Variants in BMPER observed in about 807,000 individuals in gnomAD.
BMPER encodes the protein BMP binding endothelial regulator, also known as BMP-binding endothelial regulator protein.
BMPER carries 45 observed loss-of-function variants against 87.3 expected under a neutral mutation model. The ratio of observed to expected loss-of-function variants is 0.52; its 90% confidence interval spans 0.41 to 0.66. BMPER has a LOEUF of 0.66. Ranked by LOEUF, BMPER falls within the 30% of genes least tolerant of loss-of-function variation. The pLI is 0.00. For synonymous variants in BMPER, 326 were observed against 316.2 expected (o/e 1.03, Z -0.33); for missense variants, 784 against 867.5 (o/e 0.90, Z 1.21).
At chr7:34,134,558 C>T (rs1194760764) in intron 13 of BMPER, among the ~76,000 whole-genome samples, 1 of 152,072 alleles carries the variant, frequency 6.6e-6, no homozygotes, top group African/African-American at 2.4e-5. Context: ...GCCAGTGTTT[C>T]CTACTTGAGC....
At chr7:34,103,102 G>A (rs1370799993) in intron 13 of BMPER, among the ~76,000 whole-genome samples, 2 of 152,196 alleles carry the variant, frequency 1.3e-5, no homozygotes, top group African/African-American at 2.4e-5. Flanking sequence ...TGGAAGGGCA[G>A]ATACAAGGCT....
intron 13 of BMPER, among the ~76,000 whole-genome samples, chr7:34,099,851 A>G (rs1789630433): frequency 6.6e-6 from 1 of 151,832 alleles, no homozygotes; most frequent in South Asian, 2.1e-4. Flanking sequence ...TTGATGTGTT[A>G]TTAGCAACTC....
rs192757488 is a variant in BMPER, at chr7:34,150,072, T to A, written c.1877-3020T>A. On this transcript the variant is annotated intron_variant, in intron 14 of 14. Transcript: ENST00000649409. ...GATGGGTGCAAATGACAAGAGGCAG[T>A]GAGGGGTAAGTTAAGGGTACTCCTG... Among the ~76,000 whole-genome samples, 587 of 152,130 alleles carry A rather than the reference T, an allele frequency of 3.9e-3. 2 individuals carry two copies. Among genetic ancestry groups the A allele is most frequent in the African/African-American group, 0.014 (573 of 41,494 alleles).
At chr7:34,086,174 T>C in intron 13 of BMPER, 82 bp downstream of exon 13, 2 of 1,488,494 alleles carry the variant, frequency 1.3e-6, no homozygotes, top group South Asian at 1.2e-5. Flanking sequence ...ATGAAATCTC[T>C]TGTTGTGCAG....
At chr7:34,152,571 C>A (rs1356969285) in intron 14 of BMPER, among the ~76,000 whole-genome samples, 1 of 152,118 alleles carries the variant, frequency 6.6e-6, no homozygotes, top group South Asian at 2.1e-4. Flanking sequence ...TTTGGCTTAC[C>A]CCAGTCTTGC....
intron 10 of BMPER, among the ~76,000 whole-genome samples, chr7:34,060,173 G>T (rs1355023762): frequency 6.6e-6 from 1 of 151,992 alleles, no homozygotes; most frequent in Non-Finnish European, 1.5e-5. Flanking sequence ...GCTTGTACCT[G>T]ATTTATTCCC....
intron 2 of BMPER, among the ~76,000 whole-genome samples, chr7:33,915,301 A>G (rs998656866): frequency 4.6e-5 from 7 of 152,254 alleles, no homozygotes; most frequent in African/African-American, 7.2e-5. Flanking sequence ...AAGCAACAAT[A>G]TAAAAGAGTC....
chr7:33,967,112 A>T (rs766869064), intron 4 of BMPER, among the ~76,000 whole-genome samples: 4 of 152,238 alleles, frequency 2.6e-5, no homozygotes, highest in Non-Finnish European at 5.9e-5. Flanking sequence ...GTGATTCCAC[A>T]TGGCTCTAAC....
intron 4 of BMPER, among the ~76,000 whole-genome samples, chr7:33,968,151 G>A (rs542749093): frequency 6.6e-6 from 1 of 152,338 alleles, no homozygotes; most frequent in African/African-American, 2.4e-5. Context: ...ATGCTGACCT[G>A]TAAAATGGGG....
chr7:33,913,722 G>A (rs1182427769), intron 2 of BMPER, among the ~76,000 whole-genome samples: 1 of 152,194 alleles, frequency 6.6e-6, no homozygotes, highest in East Asian at 1.9e-4. Context: ...TAATTACAGT[G>A]GAGTGATTGG....
At position 34,153,077 on chromosome 7, in the gene BMPER, C is replaced by G. The variant is rs780540856; in HGVS notation, c.1877-15C>G. On this transcript the variant is annotated splice_polypyrimidine_tract_variant and intron_variant, in intron 14 of 14. Transcript: ENST00000649409. ...CTTTCTCCATGTTATGCCTTTGTCT[C>G]CTTCTCTTTTTCAGCCACCCAGTGT... The G allele has an allele frequency of 9.4e-5, 151 of 1,613,790 alleles. No homozygotes were observed. The highest frequency in any genetic ancestry group is 1.3e-4 in the Non-Finnish European group (149 of 1,179,870).
chr7:34,143,448 G>A (rs1790930075), intron 14 of BMPER, 88 bp downstream of exon 14: 5 of 1,568,830 alleles, frequency 3.2e-6, no homozygotes, highest in Non-Finnish European at 4.3e-6. Context: ...GCTGACATGA[G>A]TGGCCACATG....
chr7:33,969,822 G>A (rs775793666), intron 4 of BMPER, among the ~76,000 whole-genome samples: 30 of 152,280 alleles, frequency 2.0e-4, no homozygotes, highest in Non-Finnish European at 3.8e-4. Flanking sequence ...CTCTGTGTGA[G>A]GCAGAGTGAC....
chr7:33,935,514 G>A (rs569716177), intron 2 of BMPER, among the ~76,000 whole-genome samples: 118 of 152,108 alleles, frequency 7.8e-4, no homozygotes, highest in Middle Eastern at 3.4e-3. Context: ...CTGTCTCACA[G>A]GATTTTAAGA....
At chr7:34,002,066 G>T (rs1185251969) in intron 6 of BMPER, among the ~76,000 whole-genome samples, 1 of 151,502 alleles carries the variant, frequency 6.6e-6, no homozygotes, top group African/African-American at 2.4e-5. Flanking sequence ...ATTGAGACTT[G>T]TTTTATGGCC....
intron 2 of BMPER, among the ~76,000 whole-genome samples, chr7:33,932,498 G>A (rs1354920012): frequency 6.6e-6 from 1 of 152,148 alleles, no homozygotes; most frequent in Non-Finnish European, 1.5e-5. Context: ...AGGGATGGAG[G>A]GAAAATAATG....
chr7:34,141,157 G>A (rs1481181351), intron 13 of BMPER, among the ~76,000 whole-genome samples: 2 of 152,184 alleles, frequency 1.3e-5, no homozygotes, highest in Non-Finnish European at 2.9e-5. Context: ...TCATACACTG[G>A]CATTTAGACG....
At chr7:33,925,928 T>C (rs1203678704) in intron 2 of BMPER, among the ~76,000 whole-genome samples, 1 of 152,134 alleles carries the variant, frequency 6.6e-6, no homozygotes, top group East Asian at 1.9e-4. Context: ...CCAGGAGACT[T>C]TGGATGATTT....
At position 34,155,416 on chromosome 7, in the gene BMPER, C is replaced by G. The variant is rs964661036; in HGVS notation, c.*2143C>G. ...TTCTCCCCATGAGGCTAACCGGCCT[C>G]TTTCCCAACACTTAATCATGGCAGC... On this transcript the variant is annotated 3_prime_UTR_variant, in exon 15 of 15. Transcript: ENST00000649409. The G allele has an allele frequency of 3.9e-5, 6 of 152,192 alleles. No individual in the cohort carries two copies. The East Asian group carries it at 1.2e-3, about 29-fold the overall frequency. 9.4% of individuals were successfully genotyped at this position (152,192 alleles called of 1,614,324 possible). A position where few individuals can be genotyped will look rare whatever the true frequency, so the allele number is the denominator to read the frequency against.
Sources: allele counts gnomAD v4.1 joint callset (sites outside exome capture counted in the v4.1 genomes callset), GRCh38; gene constraint gnomAD v4.1.1; transcripts MANE v1.5; gene names NCBI Gene and HGNC (gene_info 2026-07-23, HGNC 2026-07-21).